The following MED13 variants were observed in gnomAD, a reference collection of about 807,000 sequenced individuals.
MED13 encodes mediator complex subunit 13, also known as mediator of RNA polymerase II transcription subunit 13.
MED13 carries 23 observed loss-of-function variants against 225.2 expected under a neutral mutation model. That is an observed-to-expected ratio of 0.10 (90% CI 0.07 to 0.14). The LOEUF is 0.14. MED13 is among the 10% of genes least tolerant of loss of function. MED13 has a pLI of 1.00. For synonymous variants in MED13, 942 were observed against 889.2 expected, an observed-to-expected ratio of 1.06 and a Z score of -1.06; for missense variants, 2,197 against 2,594.5, an observed-to-expected ratio of 0.85 and a Z score of 3.33.
chr17:62,009,814 C>CA (rs1304720420), intron 9 of MED13, among the ~76,000 whole-genome samples: 1 of 152,172 alleles, frequency 6.6e-6, no homozygotes, highest in African/African-American at 2.4e-5. Flanking sequence ...AAATAACCAA[C>CA]ATATCCATCT....
At chr17:61,953,553 G>A (rs1243930602) in intron 26 of MED13, among the ~76,000 whole-genome samples, 1 of 152,218 alleles carries the variant, frequency 6.6e-6, no homozygotes, top group African/African-American at 2.4e-5. Context: ...AAGGGACCAT[G>A]AGCCAAGGAA....
intron 2 of MED13, among the ~76,000 whole-genome samples, chr17:62,058,538 A>G (rs1399792662): frequency 1.2e-4 from 18 of 150,910 alleles, no homozygotes; most frequent in African/African-American, 3.6e-4. Flanking sequence ...AAAAAAAAAA[A>G]AAAAGAAAGA....
chr17:62,060,072 G>A (rs537020367), intron 2 of MED13, among the ~76,000 whole-genome samples: 213 of 151,976 alleles, frequency 1.4e-3, no homozygotes, highest in Admixed American at 2.8e-3. Flanking sequence ...CGGGTGGACT[G>A]TCTGCGCTCA....
chr17:61,984,510 T>C, intron 14 of MED13, 141 bp downstream of exon 14: 1 of 949,796 alleles, frequency 1.1e-6, no homozygotes, highest in Non-Finnish European at 1.5e-6. Context: ...AAATGCATTC[T>C]TAATAGTGAC....
intron 8 of MED13, among the ~76,000 whole-genome samples, chr17:62,022,478 CATTTT>C: frequency 6.6e-6 from 1 of 151,718 alleles, no homozygotes; most frequent in Admixed American, 6.6e-5. Flanking sequence ...ACATTTTTTT[CATTTT>C]TCTTTTAAAA....
At chr17:62,031,742 A>T (rs1478006670) in intron 5 of MED13, 104 bp from the exon 6 acceptor site, 5 of 569,574 alleles carry the variant, frequency 8.8e-6, no homozygotes, top group Non-Finnish European at 1.4e-5. Context: ...ACATTTATAC[A>T]AATAAAAATA....
chr17:61,949,967 G>A (rs1436609994), intron 28 of MED13, among the ~76,000 whole-genome samples: 1 of 152,268 alleles, frequency 6.6e-6, no homozygotes, highest in East Asian at 1.9e-4. Context: ...ACAGGCATGA[G>A]CCACTGCGCC....
chr17:61,942,852 G>T lies in MED13; in HGVS notation c.*3616C>A, dbSNP rs1397735977. On this transcript the variant is annotated 3_prime_UTR_variant, in exon 30 of 30. Coordinates refer to ENST00000397786, the MANE Select transcript of MED13 (RefSeq NM_005121.3). ...AAACGCCCCTTCATAAAGTGACCAA[G>T]CTATTTTGAGAGGGTTGATGCTGAC... The T allele has an allele frequency of 6.6e-6, 1 of 152,474 alleles. No individual in the cohort carries two copies. Among genetic ancestry groups the T allele is most frequent in the Non-Finnish European group, 1.5e-5 (1 of 67,968 alleles). 9.4% of individuals were successfully genotyped at this position (152,474 alleles called of 1,614,324 possible). A position where few individuals can be genotyped will look rare whatever the true frequency, so the allele number is the denominator to read the frequency against.
chr17:62,030,007 G>C lies in MED13; in HGVS notation c.1016C>G (p.Pro339Arg). The change falls in exon 7 of 30, where the codon CCT becomes CGT. Residue 339 changes from proline to arginine, a missense_variant. By Grantham distance (103) the Pro-to-Arg change is moderately radical. Coordinates refer to ENST00000397786, the MANE Select transcript of MED13 (RefSeq NM_005121.3). ...TTTGACCCACTTCTGGACAGACTGA[G>C]GATCAACTGAAAACAAAACAAAAAA... ...TSPEEVQTVDPQSVQKWVKFS... is the reference protein window; with the variant it reads ...TSPEEVQTVDRQSVQKWVKFS... 1 of 1,561,412 alleles carries C rather than the reference G, an allele frequency of 6.4e-7. No individual in the cohort carries two copies. The highest frequency in any genetic ancestry group is 8.7e-7 in the Non-Finnish European group (1 of 1,153,644).
rs202062658 is a variant in MED13 at position 61,982,285 on chromosome 17, G to C, written c.3718C>G (p.Arg1240Gly). The C allele has an allele frequency of 6.2e-7, 1 of 1,613,982 alleles. No homozygotes were observed. The highest frequency in any genetic ancestry group is 1.7e-5 in the Admixed American group (1 of 59,996). ...NDCYLALEHGRQFMDNMSGGK... is the reference protein window; with the variant it reads ...NDCYLALEHGGQFMDNMSGGK... ...CCTGACATGTTATCCATGAACTGAC[G>C]CCCATGTTCTAATGCAAGGTAGCAG... The change falls in exon 16 of 30, where the codon CGT becomes GGT. Residue 1240 changes from arginine (R) to glycine (G), a missense_variant. Arg to Gly is a moderately radical substitution (Grantham distance 125, BLOSUM62 -2). Around this residue, in one of 12 missense-constraint regions of MED13, gnomAD observed 203 missense variants for 209.7 expected, o/e 0.97. Coordinates refer to ENST00000397786, the MANE Select transcript of MED13 (RefSeq NM_005121.3).
intron 26 of MED13, among the ~76,000 whole-genome samples, chr17:61,953,319 C>T (rs2079912771): frequency 6.6e-6 from 1 of 152,080 alleles, no homozygotes; most frequent in Non-Finnish European, 1.5e-5. Context: ...TGAATAATGG[C>T]CCCCCAAAGA....
rs1418423430 is a variant in MED13, at chr17:61,943,270, C to T, written c.*3198G>A. On this transcript the variant is annotated 3_prime_UTR_variant, in exon 30 of 30. Coordinates refer to ENST00000397786, the MANE Select transcript of MED13 (RefSeq NM_005121.3). ...TTAAGTGTATTAACTGATTGATATG[C>T]AATGCCATAGTGGATGAATAGCAAA... is the stretch of plus-strand genomic sequence containing the variant. The T allele has an allele frequency of 6.6e-6, 1 of 152,510 alleles. No individual in the cohort carries two copies. The highest frequency in any genetic ancestry group is 1.5e-5 in the Non-Finnish European group (1 of 67,974). The allele number at this position is 152,510 out of a possible 1,614,324, so 9.4% of individuals were successfully genotyped here. A position where few individuals can be genotyped will look rare whatever the true frequency, so the allele number is the denominator to read the frequency against.
rs2079991320 is a variant in MED13, at chr17:61,960,718, T to C, written c.5480+149A>G. The stretch of plus-strand genomic sequence containing the variant: ...TATGTTAGTTATACAATATAAACAT[T>C]CACTAAAGAAAAAAGTAAAAAGCAC... On this transcript the variant is annotated intron_variant, in intron 23 of 29. Coordinates refer to ENST00000397786, the MANE Select transcript of MED13 (RefSeq NM_005121.3). 1.6e-5 allele frequency: 8 copies of C among 502,118 alleles called. No homozygotes were observed. In the South Asian group the frequency reaches 3.2e-4, roughly 20 times the overall value. 31.1% of individuals were successfully genotyped at this position (502,118 alleles called of 1,614,324 possible).
Position 61,988,223 on chromosome 17 carries a change from T to C in MED13, c.2264-1095A>G, listed in dbSNP as rs184169547. On this transcript the variant is annotated intron_variant, in intron 11 of 29. Coordinates refer to ENST00000397786, the MANE Select transcript of MED13 (RefSeq NM_005121.3). ...ATAAAATGTAATAGAATGTTGGTAATGTGCTTCGCCCAGTACTAGGTGCTT... is the reference window on the plus strand; with the variant it reads ...ATAAAATGTAATAGAATGTTGGTAACGTGCTTCGCCCAGTACTAGGTGCTT... 1.5e-3 allele frequency among the ~76,000 whole-genome samples: 221 copies of C among 152,324 alleles called. 1 individual carries two copies. The highest frequency in any genetic ancestry group is 2.2e-3 in the Non-Finnish European group (151 of 68,018).
chr17:61,977,778 A>C (rs1260912736), intron 16 of MED13, among the ~76,000 whole-genome samples: 5 of 151,498 alleles, frequency 3.3e-5, no homozygotes, highest in African/African-American at 7.3e-5. Flanking sequence ...GAAAATTTTT[A>C]ATTGAAATAT....
chr17:62,060,502 C>T (rs1432477902), intron 2 of MED13, among the ~76,000 whole-genome samples: 1 of 151,342 alleles, frequency 6.6e-6, no homozygotes, highest in Non-Finnish European at 1.5e-5. Context: ...CGCCTGTAGT[C>T]CCAGGTACTC....
intron 9 of MED13, among the ~76,000 whole-genome samples, chr17:61,998,811 C>G (rs1355850991): frequency 6.6e-6 from 1 of 151,594 alleles, no homozygotes; most frequent in Non-Finnish European, 1.5e-5. Context: ...ATTGCCCAGG[C>G]TGGTCTTGAA....
At chr17:62,038,827 CT>C (rs2080828289) in intron 3 of MED13, among the ~76,000 whole-genome samples, 1 of 147,376 alleles carries the variant, frequency 6.8e-6, no homozygotes, top group African/African-American at 2.7e-5. Context: ...CCACACCCAG[CT>C]AATTTTTTTT....
At chr17:61,970,497 A>G (rs763448524) in intron 17 of MED13, among the ~76,000 whole-genome samples, 2 of 151,998 alleles carry the variant, frequency 1.3e-5, no homozygotes, top group African/African-American at 2.4e-5. Context: ...ACTGGGCAAG[A>G]TGGCAAAATC....
Sources: gnomAD v4.1 joint callset for allele counts (sites outside exome capture counted in the v4.1 genomes callset) on GRCh38, gnomAD v4.1.1 for gene constraint, gnomAD v4.1.1 regional missense constraint, MANE v1.5 for transcripts, NCBI Gene and HGNC (gene_info 2026-07-23, HGNC 2026-07-21) for gene names.